The following TMEM182 variants were observed in gnomAD, a reference collection of about 807,000 sequenced individuals.
TMEM182 encodes the protein transmembrane protein 182.
A neutral mutation model predicts 26.8 loss-of-function variants in TMEM182; 20 were observed. The ratio of observed to expected loss-of-function variants is 0.75; its 90% CI spans 0.53 to 1.09. The LOEUF is 1.09. TMEM182 is among the 50% of genes least tolerant of loss of function. The pLI is 0.00. For synonymous variants in TMEM182, 109 were observed against 102.2 expected, an observed-to-expected ratio of 1.07 and a Z score of -0.40; for missense variants, 277 against 275.5, an observed-to-expected ratio of 1.01 and a Z score of -0.04.
intron 3 of TMEM182, among the ~76,000 whole-genome samples, chr2:102,824,049 T>A (rs1195488392): frequency 6.6e-6 from 1 of 151,992 alleles, no homozygotes; most frequent in Non-Finnish European, 1.5e-5. Flanking sequence ...AGAAAGAGGG[T>A]TTTAAAAATG....
At chr2:102,745,735 T>C (rs151154304) in intron 1 of TMEM182, among the ~76,000 whole-genome samples, 339 of 152,306 alleles carry the variant, frequency 2.2e-3, no homozygotes, top group African/African-American at 7.4e-3. Flanking sequence ...AATTATACAA[T>C]AGATATTACT....
At chr2:102,837,803 C>T (rs1320936510) in intron 3 of TMEM182, among the ~76,000 whole-genome samples, 1 of 152,156 alleles carries the variant, frequency 6.6e-6, no homozygotes, top group African/African-American at 2.4e-5. Context: ...TGGTTTTGTT[C>T]TCTCTCTGCT....
chr2:102,786,320 T>A (rs1030952428), intron 3 of TMEM182, among the ~76,000 whole-genome samples: 9 of 150,122 alleles, frequency 6.0e-5, no homozygotes, highest in African/African-American at 1.7e-4. Context: ...GTTCAAGTGA[T>A]TCTCCTGCCT....
intron 3 of TMEM182, among the ~76,000 whole-genome samples, chr2:102,773,847 A>C (rs1680786273): frequency 6.6e-6 from 1 of 152,114 alleles, no homozygotes; most frequent in South Asian, 2.1e-4. Context: ...GTCCTATTAA[A>C]ATTATTTAAC....
chr2:102,775,427 A>G (rs991291152), intron 3 of TMEM182: 1 of 152,200 alleles, frequency 6.6e-6, no homozygotes, highest in Non-Finnish European at 1.5e-5. Flanking sequence ...CCCACAGCCA[A>G]TATCATACTG....
chr2:102,756,206 T>C (rs2104646595), intron 1 of TMEM182, among the ~76,000 whole-genome samples: 1 of 152,368 alleles, frequency 6.6e-6, no homozygotes, highest in East Asian at 1.9e-4. Flanking sequence ...AGATTTGCAG[T>C]GCTAGCAAAG....
chr2:102,773,118 G>T (rs1304787765), intron 3 of TMEM182, among the ~76,000 whole-genome samples: 4 of 152,044 alleles, frequency 2.6e-5, no homozygotes, highest in Admixed American at 2.6e-4. Context: ...GCTGGTAATT[G>T]TGATTAAAAT....
At chr2:102,765,678 C>A (rs2104663536) in intron 3 of TMEM182, among the ~76,000 whole-genome samples, 1 of 152,240 alleles carries the variant, frequency 6.6e-6, no homozygotes, top group South Asian at 2.1e-4. Context: ...GTAACATTTG[C>A]TTGTATTACA....
chr2:102,764,202 T>A, intron 2 of TMEM182, 127 bp from the exon 3 acceptor site: 1 of 876,550 alleles, frequency 1.1e-6, no homozygotes, highest in Non-Finnish European at 1.8e-6. Context: ...TTCGCTGAAT[T>A]TGCTGATGGA....
At chr2:102,772,467 G>A (rs188132611) in intron 3 of TMEM182, among the ~76,000 whole-genome samples, 2 of 152,272 alleles carry the variant, frequency 1.3e-5, no homozygotes, top group African/African-American at 2.4e-5. Context: ...AACAGACGAG[G>A]TTTGTTTTGA....
At chr2:102,745,255 T>C (rs1679657917) in intron 1 of TMEM182, among the ~76,000 whole-genome samples, 1 of 152,142 alleles carries the variant, frequency 6.6e-6, no homozygotes, top group South Asian at 2.1e-4. Context: ...TGTTTTAATA[T>C]CTGGAATTTA....
At chr2:102,829,529 AC>A (rs770972421) in intron 3 of TMEM182, among the ~76,000 whole-genome samples, 33 of 152,134 alleles carry the variant, frequency 2.2e-4, no homozygotes, top group Admixed American at 3.3e-4. Flanking sequence ...AGAAGACAGA[AC>A]CCTGAAGGAT....
intron 1 of TMEM182, 25 bp from the exon 2 acceptor site, chr2:102,762,562 A>C (rs1471622768): frequency 1.3e-6 from 2 of 1,595,832 alleles, no homozygotes; most frequent in East Asian, 2.2e-5. Flanking sequence ...ATTGATGGCA[A>C]GTTACTTCAT....
At chr2:102,764,996 A>G (rs1680368810) in intron 3 of TMEM182, among the ~76,000 whole-genome samples, 1 of 152,112 alleles carries the variant, frequency 6.6e-6, no homozygotes, top group Admixed American at 6.6e-5. Flanking sequence ...TAACTTGCTA[A>G]GGGTTGATAC....
intron 3 of TMEM182, among the ~76,000 whole-genome samples, chr2:102,779,367 T>G (rs1432148511): frequency 6.6e-6 from 1 of 152,214 alleles, no homozygotes; most frequent in Non-Finnish European, 1.5e-5. Context: ...TTATGTCTTT[T>G]GATGACTTTG....
At chr2:102,770,940 A>C (rs1279321332) in intron 3 of TMEM182, among the ~76,000 whole-genome samples, 1 of 152,188 alleles carries the variant, frequency 6.6e-6, no homozygotes, top group African/African-American at 2.4e-5. Context: ...TAAATTCTTA[A>C]ATAATTTAGG....
intron 3 of TMEM182, among the ~76,000 whole-genome samples, chr2:102,765,892 A>G (rs1240425812): frequency 6.6e-6 from 1 of 152,208 alleles, no homozygotes; most frequent in African/African-American, 2.4e-5. Context: ...CCTTTGTGTC[A>G]TGTCTAATGG....
In TMEM182 at chr2:102,786,211, T is replaced by TTG. The variant is rs1491341248; in HGVS notation, c.332-11651_332-11650insGT. Among the ~76,000 whole-genome samples, 81 of 42,148 alleles carry TTG rather than the reference T, an allele frequency of 1.9e-3. 2 individuals carry two copies. Among genetic ancestry groups the TTG allele is most frequent in the African/African-American group, 7.7e-3 (73 of 9,488 alleles). The allele number at this position is 42,148 out of a possible 152,430, so 27.7% of individuals were successfully genotyped here. On this transcript the variant is annotated intron_variant, in intron 3 of 4. Transcript: ENST00000412401. ...AGATTACATAGCACTCAGCAATCTG[T>TTG]TTTTTTTTTTTTTTTTTTTTTGTGA...
chr2:102,800,093 C>G (rs1156634067), intron 4 of TMEM182, among the ~76,000 whole-genome samples: 2 of 151,976 alleles, frequency 1.3e-5, no homozygotes, highest in African/African-American at 4.8e-5. Flanking sequence ...GAACTGTTTT[C>G]TTTCACTGGA....
Sources: allele counts gnomAD v4.1 joint callset (sites outside exome capture counted in the v4.1 genomes callset), GRCh38; gene constraint gnomAD v4.1.1; transcripts MANE v1.5; gene names NCBI Gene and HGNC (gene_info 2026-07-23, HGNC 2026-07-21).